TUBGCP5: variants seen among roughly 807,000 people sequenced by gnomAD.
TUBGCP5 encodes the protein tubulin gamma complex component 5, also known as gamma-tubulin complex component 5.
TUBGCP5 carries 98 observed loss-of-function variants against 134.7 expected under a neutral mutation model. The ratio of observed to expected loss-of-function variants is 0.73; its 90% CI spans 0.62 to 0.86. TUBGCP5 has a LOEUF of 0.86. TUBGCP5 is among the 40% of genes least tolerant of loss of function. TUBGCP5 has a pLI of 0.00. For missense variants in TUBGCP5, 1,150 were observed against 1,244.8 expected, an observed-to-expected ratio of 0.92 and a Z score of 1.15; for synonymous variants, 456 against 431.4, an observed-to-expected ratio of 1.06 and a Z score of -0.71.
At chr15:22,988,691 G>A (rs1043688759) in intron 23 of TUBGCP5, among the ~76,000 whole-genome samples, 46 of 150,404 alleles carry the variant, frequency 3.1e-4, no homozygotes, top group Middle Eastern at 3.4e-3. Context: ...AGCCGAGATC[G>A]CGTGACTGCA....
intron 11 of TUBGCP5, among the ~76,000 whole-genome samples, chr15:23,019,985 G>A (rs8034162): frequency 0.14 from 20,472 of 150,882 alleles, 1,820 homozygotes; most frequent in East Asian, 0.46. Flanking sequence ...ATCCATTAAG[G>A]ATGAGGAAAT....
chr15:23,024,332 TAATA>T (rs2065877607), intron 9 of TUBGCP5, 139 bp from the exon 10 acceptor site: 11 of 852,546 alleles, frequency 1.3e-5, no homozygotes, highest in Non-Finnish European at 1.8e-5. Context: ...ATAATATGAT[TAATA>T]TTTATAATTT....
intron 1 of TUBGCP5, 104 bp from the exon 2 acceptor site, chr15:23,037,256 C>T: frequency 9.2e-7 from 1 of 1,086,050 alleles, no homozygotes. Context: ...CTCAGCTACA[C>T]ATTTCCAGAA....
chr15:23,000,235 T>C (rs2064292534), intron 22 of TUBGCP5: 1 of 1,202,408 alleles, frequency 8.3e-7, no homozygotes, highest in Non-Finnish European at 1.0e-6. Flanking sequence ...AAAAAATTTT[T>C]AAAAAGACTA....
chr15:23,014,046 G>C (rs766793892), intron 13 of TUBGCP5, among the ~76,000 whole-genome samples: 1 of 152,216 alleles, frequency 6.6e-6, no homozygotes, highest in Non-Finnish European at 1.5e-5. Context: ...CAGAGGAACA[G>C]TCTGGCAGCC....
At chr15:22,983,419 T>C (rs1328325544) in exon 24 of TUBGCP5, 1 of 152,164 alleles carries the variant, frequency 6.6e-6, no homozygotes, top group African/African-American at 2.4e-5. Context: ...ATAGACTATA[T>C]ATTTTTCTAT....
intron 12 of TUBGCP5, among the ~76,000 whole-genome samples, chr15:23,018,631 T>C (rs748979): frequency 0.089 from 13,514 of 152,248 alleles, 1,069 homozygotes; most frequent in East Asian, 0.46. Context: ...TGGATAGCTA[T>C]CAATAGAAAC....
At chr15:22,988,735 CAAA>C (rs71117462) in intron 23 of TUBGCP5, among the ~76,000 whole-genome samples, 2 of 137,886 alleles carry the variant, frequency 1.5e-5, no homozygotes, top group East Asian at 4.5e-4. Flanking sequence ...GACTCCGTCT[CAAA>C]AAAAAAAAAA....
At chr15:23,008,658 A>T in intron 16 of TUBGCP5, 41 bp downstream of exon 16, 2 of 1,590,154 alleles carry the variant, frequency 1.3e-6, no homozygotes, top group Non-Finnish European at 1.7e-6. Flanking sequence ...CACATAGTTC[A>T]TGTTACACTA....
At chr15:23,017,327 T>C in intron 13 of TUBGCP5, among the ~76,000 whole-genome samples, 1 of 152,156 alleles carries the variant, frequency 6.6e-6, no homozygotes, top group Middle Eastern at 3.4e-3. Flanking sequence ...ATACTGAATG[T>C]CCCCAACATA....
intron 7 of TUBGCP5, 80 bp from the exon 8 acceptor site, chr15:23,026,285 T>G: frequency 4.8e-6 from 6 of 1,255,070 alleles, no homozygotes; most frequent in Non-Finnish European, 7.0e-6. Flanking sequence ...ATCTGCAATT[T>G]AGTGCTAACT....
downstream of TUBGCP5, among the ~76,000 whole-genome samples, chr15:22,996,373 A>G (rs1381907612): frequency 1.3e-5 from 2 of 152,188 alleles, no homozygotes; most frequent in East Asian, 1.9e-4. Flanking sequence ...GGCTGGGTGC[A>G]ATGGCGCACA....
intron 8 of TUBGCP5, 60 bp downstream of exon 8, chr15:23,026,056 G>T: frequency 2.1e-6 from 3 of 1,403,390 alleles, no homozygotes; most frequent in Non-Finnish European, 2.9e-6. Flanking sequence ...TTTAATAAAA[G>T]TTTTTGCTTC....
In TUBGCP5 at chr15:22,988,529, C is replaced by T. The variant is rs113964395; in HGVS notation, c.*62-4918G>A. On this transcript the variant is annotated intron_variant and NMD_transcript_variant, in intron 23 of 23. Coordinates refer to the TUBGCP5 transcript ENST00000614508. ...CGGGCGTATCACGAGGTCAGGAGAT[C>T]GAGACCATCCTGGCTAACACAGTGA... Among the ~76,000 whole-genome samples, 100 of 151,228 alleles carry T rather than the reference C, an allele frequency of 6.6e-4. 2 individuals carry two copies. In the South Asian group the frequency reaches 0.011, roughly 16 times the overall value.
chr15:22,998,411 T>C (rs1159836529), downstream of TUBGCP5, among the ~76,000 whole-genome samples: 2 of 152,212 alleles, frequency 1.3e-5, no homozygotes, highest in South Asian at 2.1e-4. Context: ...TGAAGCTATT[T>C]TCCATGTAGA....
At chr15:22,984,625 A>AT (rs984172009) in intron 23 of TUBGCP5, among the ~76,000 whole-genome samples, 3 of 152,064 alleles carry the variant, frequency 2.0e-5, no homozygotes, top group Middle Eastern at 3.2e-3. Context: ...TGTTAAAAAA[A>AT]AAATAAAAGA....
intron 16 of TUBGCP5, among the ~76,000 whole-genome samples, chr15:23,006,570 G>T (rs3213932): frequency 6.6e-6 from 1 of 152,074 alleles, no homozygotes; most frequent in Non-Finnish European, 1.5e-5. Flanking sequence ...TTTAAACAAT[G>T]AGTTTAGTTA....
At chr15:22,986,168 A>G (rs531804535) in intron 23 of TUBGCP5, among the ~76,000 whole-genome samples, 2 of 150,974 alleles carry the variant, frequency 1.3e-5, no homozygotes. Flanking sequence ...ATAATAAAAT[A>G]AAAATAAACA....
At chr15:23,006,781 T>G (rs1184073717) in intron 16 of TUBGCP5, among the ~76,000 whole-genome samples, 1 of 152,110 alleles carries the variant, frequency 6.6e-6, no homozygotes, top group African/African-American at 2.4e-5. Context: ...GGGGTCTGCT[T>G]CTACACCAGA....
Sources: allele counts gnomAD v4.1 joint callset (sites outside exome capture counted in the v4.1 genomes callset), GRCh38; gene constraint gnomAD v4.1.1; transcripts MANE v1.5; gene names NCBI Gene and HGNC (gene_info 2026-07-23, HGNC 2026-07-21).